The following LINGO2 variants were observed in gnomAD, a reference collection of about 807,000 sequenced individuals.
LINGO2 encodes leucine-rich repeat and immunoglobulin-like domain-containing nogo receptor-interacting protein 2.
Under a neutral mutation model 30.6 loss-of-function variants are expected in LINGO2, and 14 were observed. The observed-to-expected ratio is 0.46, with a 90% confidence interval of 0.30 to 0.72. LINGO2 has a LOEUF of 0.72. LINGO2 is among the 30% of genes least tolerant of loss of function. The pLI is 0.07. For missense variants in LINGO2, 729 were observed against 751.7 expected (o/e 0.97, Z 0.35); for synonymous variants, 317 against 288.5 (o/e 1.10, Z -1.00).
chr9:29,130,793 C>A, the LINGO2 span, among the ~76,000 whole-genome samples: 29 of 151,174 alleles, frequency 1.9e-4, no homozygotes, highest in East Asian at 5.2e-3. Context: ...AACTGCTCAA[C>A]AATTACAACC....
At chr9:28,885,081 G>C in the LINGO2 span, among the ~76,000 whole-genome samples, 1 of 136,372 alleles carries the variant, frequency 7.3e-6, no homozygotes, top group African/African-American at 2.7e-5. Flanking sequence ...TTCCCTGCTG[G>C]CACTGCAGGG....
At chr9:28,930,420 A>G in the LINGO2 span, among the ~76,000 whole-genome samples, 1 of 152,208 alleles carries the variant, frequency 6.6e-6, no homozygotes, top group African/African-American at 2.4e-5. This position sits in a 1 kb window ranked among gnomAD's most constrained non-coding sequence, Gnocchi z 4.2. Context: ...GAATATATTA[A>G]TGACTCTTGC....
At chr9:28,649,157 A>C (rs1230813328) in intron 1 of LINGO2, among the ~76,000 whole-genome samples, 1 of 152,122 alleles carries the variant, frequency 6.6e-6, no homozygotes, top group Non-Finnish European at 1.5e-5. Context: ...CCACACATAC[A>C]CTTTGCAGCA....
chr9:28,594,858 C>G (rs1359081621), intron 1 of LINGO2, among the ~76,000 whole-genome samples: 2 of 152,030 alleles, frequency 1.3e-5, no homozygotes, highest in Admixed American at 1.3e-4. Flanking sequence ...GAATACTCCC[C>G]AAGACTGCTC....
chr9:28,947,219 C>G, the LINGO2 span, among the ~76,000 whole-genome samples: 4 of 151,850 alleles, frequency 2.6e-5, no homozygotes, highest in African/African-American at 9.7e-5. Flanking sequence ...TTCCATTATG[C>G]TGAATGGAAT....
At chr9:28,201,236 A>ACCC (rs1820223342) in intron 4 of LINGO2, among the ~76,000 whole-genome samples, 1 of 99,166 alleles carries the variant, frequency 1.0e-5, no homozygotes. Flanking sequence ...CCTCCCCCCA[A>ACCC]CCCCACCACA....
intron 4 of LINGO2, among the ~76,000 whole-genome samples, chr9:28,021,073 T>C (rs1344960741): frequency 1.3e-5 from 2 of 152,138 alleles, no homozygotes; most frequent in Admixed American, 6.5e-5. Flanking sequence ...TCTTTTCTTC[T>C]GTTGCTTTAG....
chr9:29,117,199 TAAA>T, the LINGO2 span, among the ~76,000 whole-genome samples: 3 of 152,080 alleles, frequency 2.0e-5, no homozygotes, highest in Admixed American at 6.6e-5. Flanking sequence ...TGCTCTCAGG[TAAA>T]ACCTATTAGA....
At chr9:29,175,868 C>A in the LINGO2 span, among the ~76,000 whole-genome samples, 1 of 152,088 alleles carries the variant, frequency 6.6e-6, no homozygotes, top group East Asian at 1.9e-4. Context: ...TCTTTAAATT[C>A]TTTTATCACA....
chr9:28,990,348 T>C, the LINGO2 span, among the ~76,000 whole-genome samples: 2 of 152,100 alleles, frequency 1.3e-5, no homozygotes, highest in Non-Finnish European at 2.9e-5. Flanking sequence ...ACAAAGCAGC[T>C]GGGAAGCTCG....
At chr9:28,307,652 A>G (rs1307174990) in intron 3 of LINGO2, among the ~76,000 whole-genome samples, 10 of 152,194 alleles carry the variant, frequency 6.6e-5, no homozygotes, top group Non-Finnish European at 1.5e-5. Context: ...CCCTGTTTGC[A>G]GATGACATGA....
the LINGO2 span, among the ~76,000 whole-genome samples, chr9:28,834,023 T>C: frequency 8.5e-6 from 1 of 117,552 alleles, no homozygotes; most frequent in African/African-American, 3.5e-5. Context: ...TCTTGTTTCT[T>C]TTTTTTTTTT....
chr9:28,877,452 T>C, the LINGO2 span, among the ~76,000 whole-genome samples: 2 of 152,172 alleles, frequency 1.3e-5, no homozygotes, highest in Non-Finnish European at 2.9e-5. Flanking sequence ...AGGGATCCAG[T>C]TTCAGCTTTC....
At chr9:28,240,392 A>G (rs1412260516) in intron 4 of LINGO2, among the ~76,000 whole-genome samples, 1 of 152,210 alleles carries the variant, frequency 6.6e-6, no homozygotes, top group Non-Finnish European at 1.5e-5. Flanking sequence ...ACAGAGCTAT[A>G]GTAACCAAAA....
the LINGO2 span, among the ~76,000 whole-genome samples, chr9:28,906,373 T>C: frequency 6.6e-6 from 1 of 151,916 alleles, no homozygotes; most frequent in Non-Finnish European, 1.5e-5. Context: ...TTTCCAAATG[T>C]ATACATATTT....
chr9:28,836,328 A>T, the LINGO2 span, among the ~76,000 whole-genome samples: 2 of 151,962 alleles, frequency 1.3e-5, no homozygotes, highest in African/African-American at 4.8e-5. Context: ...CTATATATAT[A>T]TTTTAGATGG....
intron 4 of LINGO2, among the ~76,000 whole-genome samples, chr9:28,281,438 TATTC>T (rs1297310394): frequency 6.6e-6 from 1 of 150,472 alleles, no homozygotes; most frequent in East Asian, 2.0e-4. Context: ...TTCATATGCA[TATTC>T]ATTATTTTAT....
chr9:28,027,940 G>C (rs1000043155), intron 4 of LINGO2, among the ~76,000 whole-genome samples: 2 of 152,014 alleles, frequency 1.3e-5, no homozygotes, highest in African/African-American at 4.8e-5. Flanking sequence ...GGAGTGGTGG[G>C]CCATATCCAA....
chr9:28,014,626 T>C (rs1262027830), intron 4 of LINGO2, among the ~76,000 whole-genome samples: 1 of 152,226 alleles, frequency 6.6e-6, no homozygotes, highest in Non-Finnish European at 1.5e-5. Flanking sequence ...CTGACGATTA[T>C]GCATAGTGTG....
Sources: gnomAD v4.1 joint callset for allele counts (sites outside exome capture counted in the v4.1 genomes callset) on GRCh38, gnomAD v4.1.1 for gene constraint, Gnocchi (gnomAD v3.1) non-coding constraint, MANE v1.5 for transcripts, NCBI Gene and HGNC (gene_info 2026-07-23, HGNC 2026-07-21) for gene names.